The following OR5M1 variants were observed in gnomAD, a reference collection of about 807,000 sequenced individuals.
OR5M1 encodes the protein olfactory receptor 5M1.
For missense variants in OR5M1, 367 were observed against 379.5 expected (o/e 0.97, Z 0.27); for synonymous variants, 165 against 144.2 (o/e 1.14, Z -1.04).
intron 1 of OR5M1, among the ~76,000 whole-genome samples, chr11:56,613,918 A>C (rs1853713525): frequency 6.6e-6 from 1 of 152,164 alleles, no homozygotes; most frequent in African/African-American, 2.4e-5. Context: ...GCATCTTTCA[A>C]ATGGATAAAT....
rs115081934 is a variant in OR5M1 at position 56,613,511 on chromosome 11, C to G, written c.-9G>C. 5 of 1,602,656 alleles carry G rather than the reference C, an allele frequency of 3.1e-6. No homozygotes were observed. Among genetic ancestry groups the G allele is most frequent in the East Asian group, 2.2e-5 (1 of 44,688 alleles). ...TGGTTTGGGGAGAACATCTTCTTATCTCTTGAAACTGAAAGTGACAAAGAA... is the reference window on the plus strand; with the variant it reads ...TGGTTTGGGGAGAACATCTTCTTATGTCTTGAAACTGAAAGTGACAAAGAA... On this transcript the variant is annotated 5_prime_UTR_variant, in exon 2 of 2. Coordinates refer to ENST00000641076, the MANE Select transcript of OR5M1 (RefSeq NM_001004740.2).
In OR5M1 at chr11:56,612,612, T is replaced by C; in HGVS notation, c.891A>G (p.Val297=). ...PLIYSLRNTD[V]ILAMQQMIRG... is the part of the protein sequence containing the mutation. The stretch of plus-strand genomic sequence containing the variant: ...TAATCATTTGTTGCATGGCAAGGAT[T>C]ACATCTGTGTTCCGTAGGCTATAGA... Residue 297 remains valine (V), a synonymous_variant, in exon 2 of 2, where the codon GTA becomes GTG. Transcript: ENST00000641076. 6.2e-7 allele frequency: 1 copy of C among 1,611,350 alleles called. No individual in the cohort carries two copies. The highest frequency in any genetic ancestry group is 8.5e-7 in the Non-Finnish European group (1 of 1,179,300).
In OR5M1 at chr11:56,613,129, G is replaced by A. The variant is rs1853702051; in HGVS notation, c.374C>T (p.Ala125Val). 2 of 1,613,720 alleles carry A rather than the reference G, an allele frequency of 1.2e-6. No individual in the cohort carries two copies. Among genetic ancestry groups the A allele is most frequent in the African/African-American group, 2.7e-5 (2 of 74,904 alleles). ...ACTGTAATGCAAAGGGCTGCAAATG[G>A]CTACATAGCGATCCAATGCCATTGA... ...LASMALDRYV[A>V]ICSPLHYSSR... Residue 125 changes from alanine to valine, a missense_variant, in exon 2 of 2, where the codon GCC (alanine) becomes GTC (valine). Physicochemically the swap from Ala to Val is moderately conservative, Grantham distance 64 (BLOSUM62 0). Transcript: ENST00000641076.
rs546126068 is a variant in OR5M1, at chr11:56,609,927, T to C, written c.*2628A>G. ...CTATTATATGACATTCAACATGATG[T>C]TCATCAGAAATATTTAATCTATATA... On this transcript the variant is annotated 3_prime_UTR_variant, in exon 2 of 2. Transcript: ENST00000641076. The C allele has an allele frequency of 4.2e-4, 64 of 152,144 alleles. No homozygotes were observed. Among genetic ancestry groups the C allele is most frequent in the African/African-American group, 1.4e-3 (59 of 41,576 alleles). The allele number at this position is 152,144 out of a possible 1,614,324, so 9.4% of individuals were successfully genotyped here.
Position 56,610,834 on chromosome 11 carries a change from A to T in OR5M1, c.*1721T>A, listed in dbSNP as rs1363692301. 2.0e-5 allele frequency: 3 copies of T among 152,170 alleles called. No individual in the cohort carries two copies. The highest frequency in any genetic ancestry group is 7.2e-5 in the African/African-American group (3 of 41,460). The allele number at this position is 152,170 out of a possible 1,614,324, so 9.4% of individuals were successfully genotyped here. On this transcript the variant is annotated 3_prime_UTR_variant, in exon 2 of 2. Transcript: ENST00000641076. The stretch of plus-strand genomic sequence containing the variant: ...ATTAAAAATCAATTAGAAACAGGTC[A>T]GTCATTTTGACTAAAAGGATGTCAA...
In OR5M1 at chr11:56,612,845, A is replaced by G. The variant is rs1853697048; in HGVS notation, c.658T>C (p.Phe220Leu). The G allele has an allele frequency of 6.2e-7, 1 of 1,613,752 alleles. No homozygotes were observed. ...ATCCTGAAGATCGCTGCAAAAATGA[A>G]AAGATAGGACAGAAGAATGATGAAG... is the stretch of plus-strand genomic sequence containing the variant. ...SLFIILLSYL[F>L]IFAAIFRIRS... The change falls in exon 2 of 2, where the codon TTC becomes CTC. Residue 220 changes from phenylalanine to leucine, a missense_variant. Coordinates refer to ENST00000641076, the MANE Select transcript of OR5M1 (RefSeq NM_001004740.2).
At chr11:56,614,425 G>T (rs1254018455) in intron 1 of OR5M1, among the ~76,000 whole-genome samples, 1 of 152,154 alleles carries the variant, frequency 6.6e-6, no homozygotes, top group East Asian at 1.9e-4. Context: ...CAGCAGATAT[G>T]CAATTCTACT....
Position 56,612,436 on chromosome 11 carries a change from A to C in OR5M1, c.*119T>G. 1 of 606,362 alleles carries C rather than the reference A, an allele frequency of 1.6e-6. No homozygotes were observed. The highest frequency in any genetic ancestry group is 2.8e-6 in the Non-Finnish European group (1 of 359,232). 37.6% of individuals were successfully genotyped at this position (606,362 alleles called of 1,614,324 possible). On this transcript the variant is annotated 3_prime_UTR_variant, in exon 2 of 2. Transcript: ENST00000641076. Reference sequence around the variant, plus strand: ...TTCAAGGTTTTCATTTGGATAAGAAAGTAAAGTGGTTACTGACAGTCCATG... The same window carrying C: ...TTCAAGGTTTTCATTTGGATAAGAACGTAAAGTGGTTACTGACAGTCCATG...
In OR5M1 at chr11:56,613,205, G is replaced by A; in HGVS notation, c.298C>T (p.Gln100Ter). ...ACCAGGGCGATGAAGAGAAGACACT[G>A]TGTGAAGCATCCAGCGTAGGAGATG... ...KTISYAGCFT[Q>*]CLLFIALVIT... The change falls in exon 2 of 2, where the codon CAG becomes TAG. Residue 100 changes from glutamine to a stop codon, truncating the protein, a stop_gained. Transcript: ENST00000641076. LOFTEE classifies it low-confidence loss of function (END_TRUNC). 1 of 1,613,774 alleles carries A rather than the reference G, an allele frequency of 6.2e-7. No homozygotes were observed. Among genetic ancestry groups the A allele is most frequent in the South Asian group, 1.1e-5 (1 of 91,080 alleles).
chr11:56,612,354 C>G lies in OR5M1; in HGVS notation c.*201G>C. ...AAATTTATTTTCATAGAATTTCTGA[C>G]AAATAAAACATTTTAAATTTCTCAA... On this transcript the variant is annotated 3_prime_UTR_variant, in exon 2 of 2. Transcript: ENST00000641076. The G allele has an allele frequency of 2.7e-6, 1 of 370,178 alleles. No homozygotes were observed. The highest frequency in any genetic ancestry group is 4.2e-5 in the Admixed American group (1 of 23,744). 22.9% of individuals were successfully genotyped at this position (370,178 alleles called of 1,614,324 possible). A position where few individuals can be genotyped will look rare whatever the true frequency, so the allele number is the denominator to read the frequency against.
chr11:56,610,679 T>C lies in OR5M1; in HGVS notation c.*1876A>G, dbSNP rs1229956850. 6.6e-6 allele frequency: 1 copy of C among 152,128 alleles called. No homozygotes were observed. The highest frequency in any genetic ancestry group is 1.5e-5 in the Non-Finnish European group (1 of 68,020). The allele number at this position is 152,128 out of a possible 1,614,324, so 9.4% of individuals were successfully genotyped here. ...ATCAGCACTACACTGTGACTGCAAC[T>C]CTTATAATTACTTTTATTCATGTCG... On this transcript the variant is annotated 3_prime_UTR_variant, in exon 2 of 2. Transcript: ENST00000641076.
In OR5M1 at chr11:56,613,504, T is replaced by G. The variant is rs1853709990; in HGVS notation, c.-2A>C. 6.2e-7 allele frequency: 1 copy of G among 1,607,214 alleles called. No homozygotes were observed. The highest frequency in any genetic ancestry group is 1.3e-5 in the African/African-American group (1 of 74,680). ...TATGGTGTGGTTTGGGGAGAACATC[T>G]TCTTATCTCTTGAAACTGAAAGTGA... On this transcript the variant is annotated 5_prime_UTR_variant, in exon 2 of 2. Coordinates refer to ENST00000641076, the MANE Select transcript of OR5M1 (RefSeq NM_001004740.2).
At chr11:56,614,559 C>G (rs1208706194) in intron 1 of OR5M1, among the ~76,000 whole-genome samples, 1 of 152,200 alleles carries the variant, frequency 6.6e-6, no homozygotes, top group East Asian at 1.9e-4. Context: ...TCAAGCCACT[C>G]TCTCTCAGTT....
In OR5M1 at chr11:56,610,353, T is replaced by A. The variant is rs1853661072; in HGVS notation, c.*2202A>T. 2 of 152,104 alleles carry A rather than the reference T, an allele frequency of 1.3e-5. No individual in the cohort carries two copies. The highest frequency in any genetic ancestry group is 4.1e-4 in the South Asian group (2 of 4,834). 9.4% of individuals were successfully genotyped at this position (152,104 alleles called of 1,614,324 possible). On this transcript the variant is annotated 3_prime_UTR_variant, in exon 2 of 2. Transcript: ENST00000641076. Reference sequence around the variant, plus strand: ...AAATTCTCATTAGCTATTCTTAGGATACATATAACTATCACATAATAACCA... The same window carrying A: ...AAATTCTCATTAGCTATTCTTAGGAAACATATAACTATCACATAATAACCA...
chr11:56,614,361 G>C (rs1853718776), intron 1 of OR5M1, among the ~76,000 whole-genome samples: 1 of 152,110 alleles, frequency 6.6e-6, no homozygotes, highest in Admixed American at 6.5e-5. Flanking sequence ...ATGAATGTAG[G>C]ATGCTTTTAG....
chr11:56,609,745 C>T lies in OR5M1; in HGVS notation c.*2810G>A, dbSNP rs372600943. ...ATGGAATCATGGTTTGCAAGATAAT[C>T]AAATGGAATAAAACACAAGTGAATG... On this transcript the variant is annotated 3_prime_UTR_variant, in exon 2 of 2. Transcript: ENST00000641076. The T allele has an allele frequency of 3.9e-5, 6 of 152,018 alleles. No homozygotes were observed. Among genetic ancestry groups the T allele is most frequent in the African/African-American group, 1.4e-4 (6 of 41,532 alleles). The allele number at this position is 152,018 out of a possible 1,614,324, so 9.4% of individuals were successfully genotyped here. A position where few individuals can be genotyped will look rare whatever the true frequency, so the allele number is the denominator to read the frequency against.
rs1359795471 is a variant in OR5M1 at position 56,609,992 on chromosome 11, A to T, written c.*2563T>A. On this transcript the variant is annotated 3_prime_UTR_variant, in exon 2 of 2. Coordinates refer to ENST00000641076, the MANE Select transcript of OR5M1 (RefSeq NM_001004740.2). ...ATATCAAGTGAAAATCAGTGTTCAA[A>T]TTTGTATATGATAAGTGATTTCACA... 2.0e-5 allele frequency: 3 copies of T among 152,060 alleles called. No homozygotes were observed. Among genetic ancestry groups the T allele is most frequent in the Non-Finnish European group, 4.4e-5 (3 of 67,906 alleles). The allele number at this position is 152,060 out of a possible 1,614,324, so 9.4% of individuals were successfully genotyped here. A position where few individuals can be genotyped will look rare whatever the true frequency, so the allele number is the denominator to read the frequency against.
Position 56,611,684 on chromosome 11 carries a change from C to T in OR5M1, c.*871G>A, listed in dbSNP as rs1853680539. ...ACACCCTTATTTTAAAAATAATGGGCCACAGAAAGCTTCATGAAGCAAAAT... is the reference window on the plus strand; with the variant it reads ...ACACCCTTATTTTAAAAATAATGGGTCACAGAAAGCTTCATGAAGCAAAAT... On this transcript the variant is annotated 3_prime_UTR_variant, in exon 2 of 2. Coordinates refer to ENST00000641076, the MANE Select transcript of OR5M1 (RefSeq NM_001004740.2). The T allele has an allele frequency of 6.6e-6, 1 of 151,998 alleles. No individual in the cohort carries two copies. Among genetic ancestry groups the T allele is most frequent in the South Asian group, 2.1e-4 (1 of 4,822 alleles). The allele number at this position is 151,998 out of a possible 1,614,324, so 9.4% of individuals were successfully genotyped here. A position where few individuals can be genotyped will look rare whatever the true frequency, so the allele number is the denominator to read the frequency against.
intron 1 of OR5M1, among the ~76,000 whole-genome samples, chr11:56,614,136 G>A (rs888591507): frequency 1.3e-5 from 2 of 152,052 alleles, no homozygotes; most frequent in African/African-American, 2.4e-5. Flanking sequence ...TTTCCACTTT[G>A]TAATGTCACT....
Sources: allele counts gnomAD v4.1 joint callset (sites outside exome capture counted in the v4.1 genomes callset), GRCh38; gene constraint gnomAD v4.1.1; transcripts MANE v1.5; gene names NCBI Gene and HGNC (gene_info 2026-07-23, HGNC 2026-07-21).